CTNNA1: variants seen among roughly 807,000 people sequenced by gnomAD.
CTNNA1 encodes the protein catenin alpha 1.
CTNNA1 carries 37 observed loss-of-function variants against 98.4 expected under a neutral mutation model. That is an observed-to-expected ratio of 0.38 (90% CI 0.29 to 0.49). The LOEUF is 0.49. Ranked by LOEUF, CTNNA1 falls within the 20% of genes least tolerant of loss-of-function variation. The pLI is 0.95. For synonymous variants in CTNNA1, 404 were observed against 413.2 expected (o/e 0.98, Z 0.27); for missense variants, 761 against 1,147.2 (o/e 0.66, Z 4.86).
At chr5:138,897,304 C>A (rs867153680) in intron 9 of CTNNA1, among the ~76,000 whole-genome samples, 1 of 81,754 alleles carries the variant, frequency 1.2e-5, no homozygotes, top group East Asian at 4.9e-4. Context: ...ACCCCCCCCC[C>A]CCCCGCCCCC....
chr5:138,827,966 A>G (rs947069410), intron 7 of CTNNA1: 4 of 495,716 alleles, frequency 8.1e-6, no homozygotes, highest in African/African-American at 1.9e-5. Flanking sequence ...ATCTGTATTC[A>G]TCAATTAACA....
chr5:138,837,448 C>G (rs1245486400), intron 7 of CTNNA1, among the ~76,000 whole-genome samples: 1 of 148,556 alleles, frequency 6.7e-6, no homozygotes, highest in Admixed American at 6.7e-5. Flanking sequence ...TTCTTCTTTC[C>G]TCCTGTTCCT....
At chr5:138,809,895 G>A (rs1022342851) in intron 3 of CTNNA1, 143 bp from the exon 4 acceptor site, 1 of 1,203,468 alleles carries the variant, frequency 8.3e-7, no homozygotes, top group Non-Finnish European at 1.1e-6. Context: ...CAAAGGAACA[G>A]CAAACAACAA....
rs1332759203 is a variant in CTNNA1 at position 138,825,489 on chromosome 5, T to TTTTTTTTTGTTTG, written c.858+698_858+699insGTTTGTTTTTTTT. ...TAGATGGCAGCAGTATAAGTTTTTT[T>TTTTTTTTTGTTTG]TTTTTTTTTAGGGCTTTAAAAGTAA... is the stretch of plus-strand genomic sequence containing the variant. On this transcript the variant is annotated intron_variant, in intron 6 of 17. Transcript: ENST00000302763. 2.1e-3 allele frequency among the ~76,000 whole-genome samples: 226 copies of TTTTTTTTTGTTTG among 109,496 alleles called. 6 individuals are homozygous for TTTTTTTTTGTTTG. The highest frequency in any genetic ancestry group is 6.9e-3 in the Admixed American group (68 of 9,924). 71.8% of individuals were successfully genotyped at this position (109,496 alleles called of 152,430 possible). A position where few individuals can be genotyped will look rare whatever the true frequency, so the allele number is the denominator to read the frequency against.
chr5:138,846,905 G>C (rs1762773208), intron 7 of CTNNA1, among the ~76,000 whole-genome samples: 1 of 152,076 alleles, frequency 6.6e-6, no homozygotes, highest in Non-Finnish European at 1.5e-5. Flanking sequence ...TGAATGGTTT[G>C]GATTATTAGA....
chr5:138,932,328 C>A, intron 16 of CTNNA1: 1 of 1,303,536 alleles, frequency 7.7e-7, no homozygotes. Flanking sequence ...CTCAGAAGGC[C>A]TTGGCTATAC....
In CTNNA1 at chr5:138,931,358, G is replaced by A. The variant is rs138864081; in HGVS notation, c.2298+423G>A. ...TAGGTACAAAAATACGGTTCCTACC[G>A]CCTGGAAATTGTACAATACATTTCA... On this transcript the variant is annotated intron_variant, in intron 16 of 17. Coordinates refer to ENST00000302763, the MANE Select transcript of CTNNA1 (RefSeq NM_001903.5). 6.4e-4 allele frequency among the ~76,000 whole-genome samples: 97 copies of A among 152,230 alleles called. 2 individuals carry two copies. In the East Asian group the frequency reaches 8.5e-3, roughly 13 times the overall value.
chr5:138,847,360 T>C (rs1351231934), intron 7 of CTNNA1, among the ~76,000 whole-genome samples: 1 of 152,050 alleles, frequency 6.6e-6, no homozygotes, highest in East Asian at 1.9e-4. Context: ...GATAGGGGTC[T>C]GGTTACATTG....
At position 138,824,367 on chromosome 5, in the gene CTNNA1, A is replaced by G. The variant is rs6860780; in HGVS notation, c.589-163A>G. On this transcript the variant is annotated intron_variant, in intron 5 of 17. Transcript: ENST00000302763. ...CAAAGCTCAGAATCTTACCTACCAA[A>G]CCATACTGCCTTCTTTGTGATTGAC... Among the ~76,000 whole-genome samples the G allele has an allele frequency of 0.69, 105,068 of 151,952 alleles. 36,469 individuals carry two copies. The highest frequency in any genetic ancestry group is 0.93 in the East Asian group (4,837 of 5,186).
chr5:138,887,085 A>T (rs972148840), intron 8 of CTNNA1, among the ~76,000 whole-genome samples: 1 of 152,000 alleles, frequency 6.6e-6, no homozygotes, highest in African/African-American at 2.4e-5. Context: ...AAGCCAGATA[A>T]CTCTTTTTTC....
intron 7 of CTNNA1, among the ~76,000 whole-genome samples, chr5:138,855,976 G>A (rs768682187): frequency 6.6e-5 from 10 of 152,126 alleles, no homozygotes; most frequent in Non-Finnish European, 1.5e-4. Flanking sequence ...ACCCTGGAGA[G>A]GAAACTAGGG....
At chr5:138,849,989 A>AACACACAC (rs140124029) in intron 7 of CTNNA1, among the ~76,000 whole-genome samples, 8 of 151,082 alleles carry the variant, frequency 5.3e-5, no homozygotes, top group African/African-American at 1.9e-4. Context: ...GATACAATAA[A>AACACACAC]ACACACACAC....
intron 10 of CTNNA1, among the ~76,000 whole-genome samples, chr5:138,910,459 T>C (rs1357511956): frequency 2.0e-5 from 3 of 151,848 alleles, no homozygotes; most frequent in African/African-American, 7.3e-5. Flanking sequence ...CTTTCATTAA[T>C]TTTCTACTCT....
intron 7 of CTNNA1, among the ~76,000 whole-genome samples, chr5:138,850,942 C>T (rs1254639834): frequency 3.9e-5 from 6 of 152,158 alleles, no homozygotes; most frequent in African/African-American, 7.2e-5. Context: ...CATGCACAAA[C>T]GTTCTGTTAG....
Position 138,904,421 on chromosome 5 carries a change from T to A in CTNNA1, c.1369T>A (p.Leu457Ile). The A allele has an allele frequency of 6.2e-7, 1 of 1,614,100 alleles. No individual in the cohort carries two copies. The highest frequency in any genetic ancestry group is 1.3e-5 in the African/African-American group (1 of 75,062). The change falls in exon 10 of 18, where the codon TTA becomes ATA. Residue 457 changes from leucine to isoleucine, a missense_variant. Around this residue, in one of 6 missense-constraint regions of CTNNA1, gnomAD observed 287 missense variants for 436.0 expected, o/e 0.66. Transcript: ENST00000302763. ...GCTTGTTCGAATGTCTGCAAGCCAGTTAGAAGCCCTCTGTCCTCAGGTAAA... is the reference window on the plus strand; with the variant it reads ...GCTTGTTCGAATGTCTGCAAGCCAGATAGAAGCCCTCTGTCCTCAGGTAAA... ...VKLVRMSASQ[L>I]EALCPQVINA...
chr5:138,882,735 A>G (rs889803402), intron 7 of CTNNA1, among the ~76,000 whole-genome samples: 1 of 152,230 alleles, frequency 6.6e-6, no homozygotes, highest in African/African-American at 2.4e-5. Flanking sequence ...TGCTTTTCCT[A>G]AGGTTATGTT....
chr5:138,881,761 T>TTCG (rs530280194), intron 7 of CTNNA1, among the ~76,000 whole-genome samples: 3 of 151,726 alleles, frequency 2.0e-5, no homozygotes, highest in Non-Finnish European at 2.9e-5. Context: ...TAATTCATTG[T>TTCG]TTGTTGTTGT....
chr5:138,877,552 A>G (rs943379153), intron 7 of CTNNA1, among the ~76,000 whole-genome samples: 2 of 149,266 alleles, frequency 1.3e-5, no homozygotes, highest in Admixed American at 6.8e-5. Context: ...GGTTCACGCC[A>G]TTCTCCTGCC....
chr5:138,927,421 C>T (rs942994407), intron 13 of CTNNA1, among the ~76,000 whole-genome samples: 1 of 152,190 alleles, frequency 6.6e-6, no homozygotes, highest in African/African-American at 2.4e-5. Flanking sequence ...TTGCTATTCA[C>T]GCAGTTCCCT....
Sources: allele counts gnomAD v4.1 joint callset (sites outside exome capture counted in the v4.1 genomes callset), GRCh38; gene constraint gnomAD v4.1.1; regional missense constraint gnomAD v4.1.1; transcripts MANE v1.5; gene names NCBI Gene and HGNC (gene_info 2026-07-23, HGNC 2026-07-21).